CLRN2: variants seen among roughly 807,000 people sequenced by gnomAD.
The protein encoded by CLRN2 is clarin-2.
CLRN2 carries 17 observed loss-of-function variants against 20.1 expected under a neutral mutation model. That is an observed-to-expected ratio of 0.85 (90% CI 0.58 to 1.27). CLRN2 has a LOEUF of 1.27. Among genes scored for constraint, CLRN2 ranks in the 50% most tolerant of loss-of-function variants. The probability of loss-of-function intolerance (pLI) is 0.00; values close to 1 mark genes in which losing one functional copy is unlikely to be tolerated. For missense variants in CLRN2, 288 were observed against 299.5 expected (o/e 0.96, Z 0.28); for synonymous variants, 140 against 126.9 (o/e 1.10, Z -0.70).
chr4:17,518,612 T>G (rs1450652404), intron 1 of CLRN2, among the ~76,000 whole-genome samples: 1 of 152,022 alleles, frequency 6.6e-6, no homozygotes, highest in African/African-American at 2.4e-5. Flanking sequence ...AATACAAAAA[T>G]TAGCCGGGCG....
intron 1 of CLRN2, among the ~76,000 whole-genome samples, chr4:17,520,963 A>T (rs1711825711): frequency 6.6e-6 from 1 of 152,182 alleles, no homozygotes. Flanking sequence ...GGTTGCACCA[A>T]GCCGAGATGG....
intron 2 of CLRN2, among the ~76,000 whole-genome samples, chr4:17,523,810 T>C (rs1261700406): frequency 6.9e-6 from 1 of 145,298 alleles, no homozygotes; most frequent in East Asian, 2.0e-4. Context: ...TCTTTGGTGT[T>C]CCCCCCACAC....
In CLRN2 at chr4:17,526,947, G is replaced by C. The variant is rs2597792; in HGVS notation, c.564G>C (p.Ser188=). The C allele has an allele frequency of 0.044, 70,470 of 1,613,958 alleles. 2,152 individuals carry two copies. The highest frequency in any genetic ancestry group is 0.14 in the African/African-American group (10,226 of 75,008). ...TGGTGGAAGAACAGTATGAAGAGTCGTTTTGGATCTGCGTGGCCAGCGCTT... is the reference window on the plus strand; with the variant it reads ...TGGTGGAAGAACAGTATGAAGAGTCCTTTTGGATCTGCGTGGCCAGCGCTT... The part of the protein sequence containing the change: ...FVVVEEQYEE[S]FWICVASASA... Residue 188 remains serine, a synonymous_variant, in exon 3 of 3, where the codon TCG becomes TCC. Coordinates refer to ENST00000511148, the MANE Select transcript of CLRN2 (RefSeq NM_001079827.2).
At chr4:17,523,952 G>A (rs191060870) in intron 2 of CLRN2, among the ~76,000 whole-genome samples, 3 of 151,652 alleles carry the variant, frequency 2.0e-5, no homozygotes, top group Non-Finnish European at 1.5e-5. Flanking sequence ...ACTAAGGGCT[G>A]GGCAGGGACC....
At chr4:17,524,676 A>T (rs763264199) in intron 2 of CLRN2, among the ~76,000 whole-genome samples, 9 of 151,984 alleles carry the variant, frequency 5.9e-5, no homozygotes, top group Non-Finnish European at 1.3e-4. Context: ...TTCCTTAGAG[A>T]GATAGCACTC....
intron 1 of CLRN2, among the ~76,000 whole-genome samples, chr4:17,521,814 C>T (rs1472143773): frequency 3.9e-5 from 6 of 152,086 alleles, no homozygotes; most frequent in East Asian, 1.9e-4. Flanking sequence ...AGCTGAGCCC[C>T]GATTGGTCAT....
At chr4:17,521,567 C>T (rs1482547410) in intron 1 of CLRN2, among the ~76,000 whole-genome samples, 1 of 152,130 alleles carries the variant, frequency 6.6e-6, no homozygotes, top group Non-Finnish European at 1.5e-5. Context: ...TTGTGAACAA[C>T]AGTTCTCAGA....
chr4:17,523,096 G>T, intron 2 of CLRN2, 53 bp downstream of exon 2: 1 of 1,485,248 alleles, frequency 6.7e-7, no homozygotes, highest in Non-Finnish European at 9.1e-7. Context: ...ATAGGGCTGG[G>T]CTCCAAGTAG....
intron 1 of CLRN2, among the ~76,000 whole-genome samples, chr4:17,519,484 G>A (rs558503980): frequency 2.6e-5 from 4 of 152,172 alleles, no homozygotes; most frequent in South Asian, 4.1e-4. Flanking sequence ...TCACTTCTCC[G>A]AGCCTCAGTT....
intron 1 of CLRN2, among the ~76,000 whole-genome samples, chr4:17,521,224 G>C (rs1020207422): frequency 4.8e-4 from 73 of 152,142 alleles, no homozygotes; most frequent in Non-Finnish European, 7.3e-5. Flanking sequence ...ATAACCATAG[G>C]GAGATAAAAA....
Position 17,515,272 on chromosome 4 carries a change from T to C in CLRN2, c.6T>C (p.Pro2=), listed in dbSNP as rs1711629006. 1 of 1,613,738 alleles carries C rather than the reference T, an allele frequency of 6.2e-7. No individual in the cohort carries two copies. Among genetic ancestry groups the C allele is most frequent in the South Asian group, 1.1e-5 (1 of 91,076 alleles). M[P]GWFKKAWYGL... Reference sequence around the variant, plus strand: ...GATGACCTGCACCCACTAGCATGCCTGGATGGTTCAAAAAGGCGTGGTATG... The same window carrying C: ...GATGACCTGCACCCACTAGCATGCCCGGATGGTTCAAAAAGGCGTGGTATG... Residue 2 remains proline (P), a synonymous_variant, in exon 1 of 3, where the codon CCT becomes CCC. Coordinates refer to ENST00000511148, the MANE Select transcript of CLRN2 (RefSeq NM_001079827.2).
chr4:17,526,703 T>C (rs1711985623), intron 2 of CLRN2, 114 bp from the exon 3 acceptor site: 3 of 1,210,792 alleles, frequency 2.5e-6, no homozygotes, highest in South Asian at 2.9e-5. Flanking sequence ...AACTTATGTC[T>C]TCCTCATAAT....
In CLRN2 at chr4:17,526,849, G is replaced by C; in HGVS notation, c.466G>C (p.Val156Leu). 1 of 1,614,004 alleles carries C rather than the reference G, an allele frequency of 6.2e-7. No homozygotes were observed. Among genetic ancestry groups the C allele is most frequent in the Non-Finnish European group, 8.5e-7 (1 of 1,179,906 alleles). Residue 156 changes from valine to leucine, a missense_variant, in exon 3 of 3, where the codon GTG (valine) becomes CTG (leucine). Coordinates refer to ENST00000511148, the MANE Select transcript of CLRN2 (RefSeq NM_001079827.2). Reference protein sequence around the residue: ...GVVALAIASFVAAVKFHDLTE... With the variant: ...GVVALAIASFLAAVKFHDLTE... ...CGTGGCGTTAGCCATCGCCAGCTTC[G>C]TGGCTGCGGTGAAATTTCACGACCT...
intron 1 of CLRN2, among the ~76,000 whole-genome samples, chr4:17,517,137 C>T (rs1371308932): frequency 6.6e-6 from 1 of 152,154 alleles, no homozygotes; most frequent in African/African-American, 2.4e-5. Flanking sequence ...ACAGAGCAGA[C>T]ATTGGTTTGT....
chr4:17,524,682 C>A (rs1310148932), intron 2 of CLRN2, among the ~76,000 whole-genome samples: 1 of 151,852 alleles, frequency 6.6e-6, no homozygotes, highest in Non-Finnish European at 1.5e-5. Flanking sequence ...AGAGAGATAG[C>A]ACTCTCAGAC....
intron 1 of CLRN2, among the ~76,000 whole-genome samples, chr4:17,518,080 C>A (rs899265080): frequency 6.6e-6 from 1 of 151,994 alleles, no homozygotes; most frequent in Non-Finnish European, 1.5e-5. Flanking sequence ...AAAAATAATC[C>A]CCACAGTCGC....
Position 17,526,908 on chromosome 4 carries a change from C to A in CLRN2, c.525C>A (p.Leu175=). 6.2e-7 allele frequency: 1 copy of A among 1,614,032 alleles called. No individual in the cohort carries two copies. The highest frequency in any genetic ancestry group is 1.1e-5 in the South Asian group (1 of 91,088). ...TERIANFQEK[L]FQFVVVEEQY... is the part of the protein sequence containing the mutation. ...GAATCGCCAACTTTCAGGAGAAGCT[C>A]TTCCAGTTTGTGGTGGTGGAAGAAC... Residue 175 remains leucine, a synonymous_variant, in exon 3 of 3, where the codon CTC becomes CTA. Coordinates refer to ENST00000511148, the MANE Select transcript of CLRN2 (RefSeq NM_001079827.2).
chr4:17,520,485 A>G (rs143712208), intron 1 of CLRN2, among the ~76,000 whole-genome samples: 144 of 152,336 alleles, frequency 9.5e-4, no homozygotes, highest in African/African-American at 3.4e-3. Flanking sequence ...ATAAATTCCT[A>G]GAAGTGAATT....
intron 1 of CLRN2, 86 bp from the exon 2 acceptor site, chr4:17,522,778 G>A (rs528876992): frequency 5.4e-5 from 78 of 1,457,114 alleles, no homozygotes; most frequent in South Asian, 4.9e-4. Context: ...CCTGTCTGTC[G>A]AAGCCTTCGT....
Sources: gnomAD v4.1 joint callset for allele counts (sites outside exome capture counted in the v4.1 genomes callset) on GRCh38, gnomAD v4.1.1 for gene constraint, MANE v1.5 for transcripts, NCBI Gene and HGNC (gene_info 2026-07-23, HGNC 2026-07-21) for gene names.